The following TMTC1 variants were observed in gnomAD, a reference collection of about 807,000 sequenced individuals.
The protein encoded by TMTC1 is protein O-mannosyl-transferase TMTC1.
TMTC1 carries 73 observed loss-of-function variants against 104.8 expected under a neutral mutation model. The observed-to-expected ratio is 0.70, with a 90% confidence interval of 0.58 to 0.85. TMTC1 has a LOEUF of 0.85. Ranked by LOEUF, TMTC1 falls within the 40% of genes least tolerant of loss-of-function variation. The pLI is 0.00. For missense variants in TMTC1, 1,035 were observed against 1,096.1 expected (o/e 0.94, Z 0.79); for synonymous variants, 434 against 428.7 (o/e 1.01, Z -0.15).
At chr12:29,761,983 C>T (rs1418538655) in intron 2 of TMTC1, among the ~76,000 whole-genome samples, 3 of 152,008 alleles carry the variant, frequency 2.0e-5, no homozygotes, top group African/African-American at 7.2e-5. Context: ...CTCAGGAGTT[C>T]AAGACCAGCC....
At chr12:29,696,090 C>A (rs1941416275) in intron 5 of TMTC1, among the ~76,000 whole-genome samples, 2 of 151,848 alleles carry the variant, frequency 1.3e-5, no homozygotes, top group Admixed American at 6.6e-5. Context: ...TGGACAAGAA[C>A]AAAGTATTTT....
At position 29,739,294 on chromosome 12, in the gene TMTC1, T is replaced by TACACACAC. The variant is rs60837035; in HGVS notation, c.938+12364_938+12371dup. 3.4e-4 allele frequency among the ~76,000 whole-genome samples: 52 copies of TACACACAC among 150,816 alleles called. No homozygotes were observed. In the East Asian group the frequency reaches 9.5e-3, roughly 27 times the overall value. On this transcript the variant is annotated intron_variant, in intron 5 of 17. Coordinates refer to ENST00000539277, the MANE Select transcript of TMTC1 (RefSeq NM_001193451.2). ...TTGCTCATAGTTGCACGCATTCATG[T>TACACACAC]ACACACACACACACACATACACAGA... is the stretch of plus-strand genomic sequence containing the variant.
intron 6 of TMTC1, among the ~76,000 whole-genome samples, chr12:29,630,993 G>T (rs1489891916): frequency 6.6e-6 from 1 of 152,118 alleles, no homozygotes; most frequent in Admixed American, 6.5e-5. Flanking sequence ...TTAATTTGAA[G>T]TTCTCTAATG....
At chr12:29,754,737 G>A (rs564625654) in intron 4 of TMTC1, among the ~76,000 whole-genome samples, 64 of 151,964 alleles carry the variant, frequency 4.2e-4, no homozygotes, top group Admixed American at 1.5e-3. Flanking sequence ...GAGATTTACC[G>A]AGAGCCAACA....
chr12:29,764,215 A>G (rs550781601), intron 2 of TMTC1, among the ~76,000 whole-genome samples: 2 of 152,380 alleles, frequency 1.3e-5, no homozygotes, highest in African/African-American at 4.8e-5. Context: ...GTAACAGCAG[A>G]TCCTCAGATC....
intron 1 of TMTC1, among the ~76,000 whole-genome samples, chr12:29,776,676 T>C (rs1352225807): frequency 3.3e-5 from 5 of 152,194 alleles, no homozygotes; most frequent in Non-Finnish European, 7.3e-5. Flanking sequence ...GAGTTTACAC[T>C]GTAGTGAGGG....
chr12:29,615,772 T>C (rs1221342385), intron 6 of TMTC1, among the ~76,000 whole-genome samples: 1 of 152,180 alleles, frequency 6.6e-6, no homozygotes, highest in Non-Finnish European at 1.5e-5. Context: ...AAAGGAATGG[T>C]TTCAAAGGAA....
intron 6 of TMTC1, among the ~76,000 whole-genome samples, chr12:29,613,311 T>A (rs927818985): frequency 6.6e-5 from 10 of 152,182 alleles, no homozygotes; most frequent in Admixed American, 5.9e-4. Context: ...AGTGGGAGGC[T>A]GTGGCCTGAG....
At chr12:29,640,490 C>G (rs1938788692) in intron 5 of TMTC1, 1 of 152,254 alleles carries the variant, frequency 6.6e-6, no homozygotes. Context: ...GGAGACCCTC[C>G]TCTCCCAAAC....
chr12:29,692,036 G>GAT lies in TMTC1; in HGVS notation c.939-58702_939-58701dup, dbSNP rs1396540530. 1.0e-4 allele frequency among the ~76,000 whole-genome samples: 15 copies of GAT among 145,304 alleles called. 5 individuals carry two copies. The highest frequency in any genetic ancestry group is 3.8e-4 in the African/African-American group (15 of 39,792). ...CACTCTCAGCTCATGAGCACATTGT[G>GAT]ATATAAATGAATGACCTCAGTAGAC... On this transcript the variant is annotated intron_variant, in intron 5 of 17. Transcript: ENST00000539277.
chr12:29,763,193 G>A (rs1175992601), intron 2 of TMTC1, among the ~76,000 whole-genome samples: 2 of 152,176 alleles, frequency 1.3e-5, no homozygotes, highest in African/African-American at 4.8e-5. Context: ...TGTGCCAGCT[G>A]GATGTGCCCA....
chr12:29,538,514 A>T (rs1353359918), intron 10 of TMTC1, among the ~76,000 whole-genome samples: 4 of 140,298 alleles, frequency 2.9e-5, no homozygotes, highest in Non-Finnish European at 6.3e-5. Flanking sequence ...TTTAGCTTAG[A>T]TATTCTTCAA....
intron 6 of TMTC1, among the ~76,000 whole-genome samples, 193 bp from the exon 7 acceptor site, chr12:29,604,492 C>T (rs923472321): frequency 1.3e-5 from 2 of 152,156 alleles, no homozygotes; most frequent in African/African-American, 4.8e-5. Context: ...TCAAAACATA[C>T]ACATGTACCC....
rs921326104 is a variant in TMTC1 at position 29,684,928 on chromosome 12, C to T, written c.939-51592G>A. On this transcript the variant is annotated intron_variant, in intron 5 of 17. Transcript: ENST00000539277. Reference sequence around the variant, plus strand: ...AAACATAGTTTTCTTGCTGTTCAGACGTGGTATGTTGTTTTTAATAAAATT... The same window carrying T: ...AAACATAGTTTTCTTGCTGTTCAGATGTGGTATGTTGTTTTTAATAAAATT... Among the ~76,000 whole-genome samples the T allele has an allele frequency of 5.9e-5, 9 of 152,148 alleles. No homozygotes were observed. The East Asian group carries it at 1.2e-3, about 20-fold the overall frequency.
chr12:29,517,317 G>T, intron 14 of TMTC1, 110 bp downstream of exon 14: 2 of 1,186,026 alleles, frequency 1.7e-6, no homozygotes, highest in Non-Finnish European at 1.2e-6. Flanking sequence ...TATTCATACA[G>T]TGGATATATT....
chr12:29,646,595 T>C (rs78313075), intron 5 of TMTC1, among the ~76,000 whole-genome samples: 6,294 of 152,276 alleles, frequency 0.041, 172 homozygotes, highest in Admixed American at 0.066. Context: ...AGCTCTCTCA[T>C]GTGACTCCCT....
chr12:29,637,839 T>C lies in TMTC1; in HGVS notation c.939-4503A>G, dbSNP rs147466204. On this transcript the variant is annotated intron_variant, in intron 5 of 17. Coordinates refer to ENST00000539277, the MANE Select transcript of TMTC1 (RefSeq NM_001193451.2). ...AAATCAGGTACTGCAAGCAGAAATA[T>C]ATAGTTCTTGCTTGCTTTACATAAA... is the stretch of plus-strand genomic sequence containing the variant. Among the ~76,000 whole-genome samples, 1,269 of 152,364 alleles carry C rather than the reference T, an allele frequency of 8.3e-3. 5 individuals carry two copies. The highest frequency in any genetic ancestry group is 0.015 in the Non-Finnish European group (1,007 of 68,034).
intron 10 of TMTC1, among the ~76,000 whole-genome samples, chr12:29,542,784 C>T (rs111835742): frequency 2.0e-3 from 311 of 152,008 alleles, no homozygotes; most frequent in African/African-American, 7.0e-3. Flanking sequence ...GGTTAATTTG[C>T]CCCATGAAAG....
At chr12:29,530,909 T>C (rs1343866130) in intron 11 of TMTC1, among the ~76,000 whole-genome samples, 1 of 152,232 alleles carries the variant, frequency 6.6e-6, no homozygotes, top group African/African-American at 2.4e-5. Context: ...ACCCAGTTTA[T>C]ATCTATCGGT....
Sources: gnomAD v4.1 joint callset for allele counts (sites outside exome capture counted in the v4.1 genomes callset) on GRCh38, gnomAD v4.1.1 for gene constraint, MANE v1.5 for transcripts, NCBI Gene and HGNC (gene_info 2026-07-23, HGNC 2026-07-21) for gene names.